The following TRAPPC9 variants were observed in gnomAD, a reference collection of about 807,000 sequenced individuals.
TRAPPC9 encodes the protein trafficking protein particle complex subunit 9.
TRAPPC9 carries 83 observed loss-of-function variants against 124.0 expected under a neutral mutation model. That is an observed-to-expected ratio of 0.67 (90% CI 0.56 to 0.80). The LOEUF (loss-of-function observed/expected upper bound fraction) is 0.80, where lower values mean the gene tolerates loss of function less well. TRAPPC9 is among the 30% of genes least tolerant of loss of function. The pLI, the probability that TRAPPC9 is intolerant of heterozygous loss-of-function variation, is 0.00. For synonymous variants in TRAPPC9, 638 were observed against 617.5 expected, an observed-to-expected ratio of 1.03 and a Z score of -0.49; for missense variants, 1,302 against 1,508.3, an observed-to-expected ratio of 0.86 and a Z score of 2.27.
chr8:140,156,399 G>A (rs2061631058), intron 17 of TRAPPC9, among the ~76,000 whole-genome samples: 1 of 152,218 alleles, frequency 6.6e-6, no homozygotes, highest in Non-Finnish European at 1.5e-5. Flanking sequence ...CGGGGATCCT[G>A]CGAGGCTCAA....
chr8:139,735,809 G>C (rs1018737410), intron 21 of TRAPPC9, among the ~76,000 whole-genome samples: 1 of 152,152 alleles, frequency 6.6e-6, no homozygotes, highest in Non-Finnish European at 1.5e-5. Flanking sequence ...CCCTTGGGAA[G>C]AGAAAGCTGA....
At chr8:140,162,666 C>A (rs183339620) in intron 17 of TRAPPC9, among the ~76,000 whole-genome samples, 3 of 152,138 alleles carry the variant, frequency 2.0e-5, no homozygotes, top group African/African-American at 7.2e-5. Context: ...AATGTGAATG[C>A]GCTTCTTGCC....
chr8:139,867,127 C>CCTGGCCTCTAA (rs1828599191), intron 21 of TRAPPC9, among the ~76,000 whole-genome samples: 1 of 152,218 alleles, frequency 6.6e-6, no homozygotes, highest in Admixed American at 6.5e-5. Flanking sequence ...AGCCACTGCA[C>CCTGGCCTCTAA]CTGGCCTCTA....
chr8:139,789,410 GT>G (rs1822497881), intron 21 of TRAPPC9, among the ~76,000 whole-genome samples: 1 of 152,202 alleles, frequency 6.6e-6, no homozygotes, highest in African/African-American at 2.4e-5. Flanking sequence ...GTGGCTGTGT[GT>G]GGTTATCACA....
chr8:140,106,208 A>T (rs2060660985), intron 17 of TRAPPC9, among the ~76,000 whole-genome samples: 2 of 152,296 alleles, frequency 1.3e-5, no homozygotes, highest in South Asian at 4.1e-4. Context: ...AACAACAGCC[A>T]TCAGATCGTG....
chr8:140,019,989 C>T (rs1839732153), intron 18 of TRAPPC9, among the ~76,000 whole-genome samples: 2 of 151,664 alleles, frequency 1.3e-5, no homozygotes, highest in Non-Finnish European at 1.5e-5. Context: ...TGTCCCATCA[C>T]ACCCGGCTAA....
In TRAPPC9 at chr8:139,742,175, T is replaced by C. The variant is rs1047765149; in HGVS notation, c.3056-9973A>G. On this transcript the variant is annotated intron_variant, in intron 21 of 22. Transcript: ENST00000438773. This position sits in a 1 kb window ranked among gnomAD's most constrained non-coding sequence, Gnocchi z 4.7. ...GACTGCTCCACGCCTTCTATGGCACTGTGGTTGCCTGGCTCTGGTTCACCC... is the reference window on the plus strand; with the variant it reads ...GACTGCTCCACGCCTTCTATGGCACCGTGGTTGCCTGGCTCTGGTTCACCC... Among the ~76,000 whole-genome samples the C allele has an allele frequency of 6.6e-6, 1 of 152,192 alleles. No homozygotes were observed. Among genetic ancestry groups the C allele is most frequent in the African/African-American group, 2.4e-5 (1 of 41,456 alleles).
rs560982499 is a variant in TRAPPC9 at position 140,184,702 on chromosome 8, C to A, written c.2556+36757G>T. 4.6e-5 allele frequency among the ~76,000 whole-genome samples: 7 copies of A among 152,302 alleles called. No individual in the cohort carries two copies. In the South Asian group the frequency reaches 1.2e-3, roughly 27 times the overall value. On this transcript the variant is annotated intron_variant, in intron 17 of 22. Transcript: ENST00000438773. ...GACCTCAGTTATCCACCTGCCTTGG[C>A]CTCCCAAAGTGCTGGCATTACAAGC...
At chr8:139,866,725 G>T (rs895065642) in intron 21 of TRAPPC9, among the ~76,000 whole-genome samples, 1 of 152,214 alleles carries the variant, frequency 6.6e-6, no homozygotes, top group Non-Finnish European at 1.5e-5. Flanking sequence ...GTGTGGGCCA[G>T]TGACTGTTAA....
chr8:140,297,299 C>T (rs1036671384), intron 11 of TRAPPC9, among the ~76,000 whole-genome samples: 9 of 152,052 alleles, frequency 5.9e-5, no homozygotes, highest in East Asian at 3.9e-4. Flanking sequence ...ATTTTAAAAA[C>T]GCATACACAC....
At chr8:140,028,601 T>C (rs1055623829) in intron 17 of TRAPPC9, among the ~76,000 whole-genome samples, 1 of 152,234 alleles carries the variant, frequency 6.6e-6, no homozygotes, top group African/African-American at 2.4e-5. Flanking sequence ...GCAAACTGTT[T>C]AGAATAGCAT....
intron 19 of TRAPPC9, among the ~76,000 whole-genome samples, chr8:139,948,271 A>G (rs975994203): frequency 9.9e-5 from 15 of 151,472 alleles, no homozygotes; most frequent in African/African-American, 3.6e-4. Flanking sequence ...ACACACACAC[A>G]CACACACACA....
chr8:140,246,338 T>C (rs186954907), intron 16 of TRAPPC9, among the ~76,000 whole-genome samples: 2 of 152,328 alleles, frequency 1.3e-5, no homozygotes, highest in Admixed American at 1.3e-4. Context: ...AGTGAGAAAG[T>C]GTGTTTCAAG....
chr8:139,836,313 G>C (rs1826345017), intron 21 of TRAPPC9, among the ~76,000 whole-genome samples: 1 of 152,224 alleles, frequency 6.6e-6, no homozygotes, highest in African/African-American at 2.4e-5. Context: ...CCAGTAAAGG[G>C]AAGCAGTTCT....
intron 19 of TRAPPC9, among the ~76,000 whole-genome samples, chr8:139,957,127 A>G (rs989815669): frequency 6.6e-6 from 1 of 152,264 alleles, no homozygotes; most frequent in African/African-American, 2.4e-5. Flanking sequence ...GGAGCTAAAA[A>G]TAGCTAACAC....
At chr8:140,115,770 C>T (rs1366196921) in intron 17 of TRAPPC9, among the ~76,000 whole-genome samples, 3 of 152,034 alleles carry the variant, frequency 2.0e-5, no homozygotes, top group Non-Finnish European at 4.4e-5. Context: ...CAGATTTGGG[C>T]TTAAAGGCTT....
At chr8:139,739,978 C>T (rs914804480) in intron 21 of TRAPPC9, among the ~76,000 whole-genome samples, 10 of 152,326 alleles carry the variant, frequency 6.6e-5, no homozygotes, top group East Asian at 3.9e-4. Context: ...GCCCCACCAC[C>T]GACTGGCTGT....
chr8:139,896,868 C>T (rs978346527), intron 20 of TRAPPC9, among the ~76,000 whole-genome samples: 1 of 152,242 alleles, frequency 6.6e-6, no homozygotes, highest in African/African-American at 2.4e-5. Flanking sequence ...CCCCTCAAGG[C>T]TCTTCCTAGG....
intron 16 of TRAPPC9, among the ~76,000 whole-genome samples, chr8:140,245,464 G>GGT (rs35366571): frequency 0.22 from 33,607 of 150,088 alleles, 4,752 homozygotes; most frequent in East Asian, 0.75. Flanking sequence ...TTTGTTTTGT[G>GGT]GTGTGTGTGT....
Sources: gnomAD v4.1 joint callset for allele counts (sites outside exome capture counted in the v4.1 genomes callset) on GRCh38, gnomAD v4.1.1 for gene constraint, Gnocchi (gnomAD v3.1) non-coding constraint, MANE v1.5 for transcripts, NCBI Gene and HGNC (gene_info 2026-07-23, HGNC 2026-07-21) for gene names.